The following COPB2 variants were observed in gnomAD, a reference collection of about 807,000 sequenced individuals.
The protein encoded by COPB2 is coat protein complex I subunit beta 2.
A neutral mutation model predicts 120.8 loss-of-function variants in COPB2; 16 were observed. The ratio of observed to expected loss-of-function variants is 0.13; its 90% CI spans 0.09 to 0.20. The LOEUF (loss-of-function observed/expected upper bound fraction) is 0.20, where lower values mean the gene tolerates loss of function less well. Ranked by LOEUF, COPB2 falls within the 10% of genes least tolerant of loss-of-function variation. COPB2 has a pLI of 1.00. For synonymous variants in COPB2, 332 were observed against 366.3 expected (o/e 0.91, Z 1.07); for missense variants, 794 against 1,076.5 (o/e 0.74, Z 3.67).
At position 139,373,928 on chromosome 3, in the gene COPB2, A is replaced by T. The variant is rs564053620; in HGVS notation, c.752-120T>A. The T allele has an allele frequency of 4.4e-4, 535 of 1,202,920 alleles. 9 individuals carry two copies. In the South Asian group the frequency reaches 6.2e-3, roughly 14 times the overall value. 74.5% of individuals were successfully genotyped at this position (1,202,920 alleles called of 1,614,324 possible). ...ACAGATAACACTTCCTGGCAGCTTA[A>T]TGACCAATTTTTTGACCTACTGTCT... On this transcript the variant is annotated intron_variant, in intron 7 of 21. Coordinates refer to ENST00000333188, the MANE Select transcript of COPB2 (RefSeq NM_004766.3).
At chr3:139,378,960 T>C in intron 4 of COPB2, 87 bp downstream of exon 4, 4 of 1,350,378 alleles carry the variant, frequency 3.0e-6, no homozygotes, top group Non-Finnish European at 4.0e-6. Context: ...ATTATATTTG[T>C]AACAGCAGTT....
intron 1 of COPB2, among the ~76,000 whole-genome samples, chr3:139,387,189 C>CTG (rs2107812410): frequency 6.7e-6 from 1 of 148,370 alleles, no homozygotes; most frequent in African/African-American, 2.5e-5. Context: ...CCAGCCTGGG[C>CTG]GACAGAGTGA....
intron 2 of COPB2, 152 bp from the exon 3 acceptor site, chr3:139,379,618 A>T (rs1941772092): frequency 9.7e-6 from 6 of 618,084 alleles, no homozygotes; most frequent in Admixed American, 3.4e-5. Flanking sequence ...TCAAATTTTT[A>T]AAAAAGACCA....
At chr3:139,366,510 A>T in intron 15 of COPB2, 58 bp downstream of exon 15, 2 of 1,471,452 alleles carry the variant, frequency 1.4e-6, no homozygotes, top group Admixed American at 4.3e-5. Flanking sequence ...ACTCCATAAT[A>T]ATTTGCTTTC....
chr3:139,379,298 G>A (rs1941767152), intron 3 of COPB2, 82 bp downstream of exon 3: 9 of 1,561,196 alleles, frequency 5.8e-6, no homozygotes, highest in South Asian at 4.5e-5. Context: ...AAAACAAATC[G>A]GGAATCAAAA....
intron 2 of COPB2, chr3:139,379,739 T>A (rs1266372575): frequency 2.9e-6 from 1 of 345,120 alleles, no homozygotes; most frequent in African/African-American, 2.2e-5. Flanking sequence ...CCCTCCCTTT[T>A]CCAGCCTCAC....
rs375637384 is a variant in COPB2, at chr3:139,366,691, C to T, written c.1761G>A (p.Leu587=). 4.3e-6 allele frequency: 7 copies of T among 1,613,956 alleles called. No individual in the cohort carries two copies. Among genetic ancestry groups the T allele is most frequent in the Admixed American group, 1.7e-5 (1 of 59,988 alleles). Residue 587 remains leucine, a synonymous_variant, in exon 15 of 22, where the codon CTG becomes CTA. Transcript: ENST00000333188. The part of the protein sequence containing the change: ...DKELNIISYS[L]LVSVLEYQTA... ...TCTGGTATTCCAGGACTGAAACCAG[C>T]AGGGAATAGCTAATGATGTTCAATT...
At chr3:139,383,217 G>A in intron 2 of COPB2, 81 bp downstream of exon 2, 1 of 1,500,254 alleles carries the variant, frequency 6.7e-7, no homozygotes, top group Non-Finnish European at 9.2e-7. Context: ...TCTGGATTCT[G>A]TTATAATATT....
Position 139,368,253 on chromosome 3 carries a change from A to G in COPB2, c.1437T>C (p.Ile479=), listed in dbSNP as rs1218406283. 1 of 1,613,376 alleles carries G rather than the reference A, an allele frequency of 6.2e-7. No individual in the cohort carries two copies. Among genetic ancestry groups the G allele is most frequent in the African/African-American group, 1.3e-5 (1 of 74,922 alleles). ...FWSDSGELVC[I]ATEESFFILK... is the part of the protein sequence containing the mutation. ...GGATAAAAAATGATTCCTCAGTAGCAATACAGACTAGCTCTCCAGAGTCAG... is the reference window on the plus strand; with the variant it reads ...GGATAAAAAATGATTCCTCAGTAGCGATACAGACTAGCTCTCCAGAGTCAG... The change falls in exon 13 of 22, where the codon ATT becomes ATC. Residue 479 remains isoleucine, a synonymous_variant. Transcript: ENST00000333188.
chr3:139,364,304 C>G lies in COPB2; in HGVS notation c.1885-1787G>C, dbSNP rs539828736. ...CTCTAGATCCGCTCCCCTCTCCCAC[C>G]TCCCCTCTCTCACCTCCCCTCTCCC... On this transcript the variant is annotated intron_variant, in intron 15 of 21. Transcript: ENST00000333188. Among the ~76,000 whole-genome samples, 38 of 152,140 alleles carry G rather than the reference C, an allele frequency of 2.5e-4. No homozygotes were observed. In the South Asian group the frequency reaches 7.7e-3, roughly 31 times the overall value.
chr3:139,376,038 C>T (rs1941707831), intron 5 of COPB2, among the ~76,000 whole-genome samples: 1 of 152,130 alleles, frequency 6.6e-6, no homozygotes, highest in Non-Finnish European at 1.5e-5. Context: ...TCACTTGAGC[C>T]CAAGAGCTCA....
At position 139,357,850 on chromosome 3, in the gene COPB2, G is replaced by GA; in HGVS notation, c.*12dup. 12 of 1,436,194 alleles carry GA rather than the reference G, an allele frequency of 8.4e-6. No individual in the cohort carries two copies. Among genetic ancestry groups the GA allele is most frequent in the Non-Finnish European group, 1.2e-5 (12 of 1,028,920 alleles). 89.0% of individuals were successfully genotyped at this position (1,436,194 alleles called of 1,614,324 possible). A position where few individuals can be genotyped will look rare whatever the true frequency, so the allele number is the denominator to read the frequency against. On this transcript the variant is annotated 3_prime_UTR_variant, in exon 22 of 22. Coordinates refer to ENST00000333188, the MANE Select transcript of COPB2 (RefSeq NM_004766.3). ...AATGATCTGTTTAGTCAGGTAAATG[G>GA]AAAGCATTACAGTCAATCATCCAAA...
intron 14 of COPB2, 96 bp downstream of exon 14, chr3:139,366,919 C>A: frequency 6.6e-7 from 1 of 1,506,838 alleles, no homozygotes; most frequent in Non-Finnish European, 9.0e-7. Flanking sequence ...AAAACTATAA[C>A]ACTGAAAAAT....
Position 139,379,454 on chromosome 3 carries a change from T to G in COPB2, c.154A>C (p.Thr52Pro). ...WNHETQTLVK[T>P]FEVCDLPVRA... Reference sequence around the variant, plus strand: ...ACAGGAAGATCACATACTTCAAATGTCTTCACCAGTGTCTTTAAAATGTAA... The same window carrying G: ...ACAGGAAGATCACATACTTCAAATGGCTTCACCAGTGTCTTTAAAATGTAA... The change falls in exon 3 of 22, where the codon ACA becomes CCA. Residue 52 changes from threonine (T) to proline (P), a missense_variant. Transcript: ENST00000333188. The G allele has an allele frequency of 6.2e-7, 1 of 1,613,724 alleles. No homozygotes were observed. The highest frequency in any genetic ancestry group is 8.5e-7 in the Non-Finnish European group (1 of 1,179,820).
chr3:139,369,815 G>A (rs140267408), intron 10 of COPB2, among the ~76,000 whole-genome samples: 10 of 152,214 alleles, frequency 6.6e-5, no homozygotes, highest in African/African-American at 2.4e-4. Context: ...GTCCACAATA[G>A]GTGAATGATT....
intron 15 of COPB2, among the ~76,000 whole-genome samples, chr3:139,365,284 C>T (rs1237609972): frequency 6.6e-6 from 1 of 151,858 alleles, no homozygotes; most frequent in Non-Finnish European, 1.5e-5. Flanking sequence ...AGAGAAAAAC[C>T]AGGTCATGTA....
intron 17 of COPB2, among the ~76,000 whole-genome samples, chr3:139,359,768 G>A (rs9819368): frequency 0.38 from 58,091 of 151,844 alleles, 13,870 homozygotes; most frequent in Non-Finnish European, 0.54. Context: ...AGAATACCAT[G>A]GTGTCTTATT....
At chr3:139,364,488 T>C (rs1312955737) in intron 15 of COPB2, among the ~76,000 whole-genome samples, 2 of 152,264 alleles carry the variant, frequency 1.3e-5, no homozygotes, top group Admixed American at 1.3e-4. Context: ...AAATATTAAA[T>C]ACTGAGACTC....
intron 2 of COPB2, chr3:139,380,405 A>G (rs1056383528): frequency 1.3e-5 from 2 of 152,118 alleles, no homozygotes; most frequent in Non-Finnish European, 2.9e-5. Context: ...AAATGTTATT[A>G]TTTCTTTTTA....
Sources: allele counts gnomAD v4.1 joint callset (sites outside exome capture counted in the v4.1 genomes callset), GRCh38; gene constraint gnomAD v4.1.1; transcripts MANE v1.5; gene names NCBI Gene and HGNC (gene_info 2026-07-23, HGNC 2026-07-21).